DGCR2: variants seen among roughly 807,000 people sequenced by gnomAD.
DGCR2 encodes the protein integral membrane protein DGCR2/IDD.
A neutral mutation model predicts 51.6 loss-of-function variants in DGCR2; 24 were observed. The ratio of observed to expected loss-of-function variants is 0.47; its 90% CI spans 0.34 to 0.65. The LOEUF is 0.65. Among genes scored for constraint, DGCR2 ranks in the 30% least tolerant of loss-of-function variants. The probability of loss-of-function intolerance (pLI) is 0.01; values close to 1 mark genes in which losing one functional copy is unlikely to be tolerated. For synonymous variants in DGCR2, 340 were observed against 315.4 expected, an observed-to-expected ratio of 1.08 and a Z score of -0.82; for missense variants, 765 against 772.1, an observed-to-expected ratio of 0.99 and a Z score of 0.11.
At chr22:19,073,101 A>G (rs2082834811) in intron 2 of DGCR2, among the ~76,000 whole-genome samples, 2 of 152,188 alleles carry the variant, frequency 1.3e-5, no homozygotes, top group South Asian at 4.2e-4. Flanking sequence ...TATGAAAAAT[A>G]AAAATAAAAA....
chr22:19,064,743 G>T, intron 4 of DGCR2, 105 bp downstream of exon 4: 2 of 1,143,864 alleles, frequency 1.7e-6, no homozygotes, highest in Non-Finnish European at 2.5e-6. Flanking sequence ...CCAACCTGCT[G>T]TCTGCCAGCT....
At chr22:19,065,818 A>C (rs1276413852) in intron 3 of DGCR2, 2 of 152,286 alleles carry the variant, frequency 1.3e-5, no homozygotes, top group African/African-American at 4.8e-5. Context: ...GGTACCTCAT[A>C]TTAGTACACT....
intron 1 of DGCR2, among the ~76,000 whole-genome samples, chr22:19,115,638 C>T (rs2083365646): frequency 6.6e-6 from 1 of 152,210 alleles, no homozygotes; most frequent in Non-Finnish European, 1.5e-5. Flanking sequence ...TTTCTGAGTG[C>T]CCAGTCTGTG....
chr22:19,056,612 C>T (rs940476570), intron 6 of DGCR2: 3 of 375,934 alleles, frequency 8.0e-6, no homozygotes, highest in African/African-American at 4.3e-5. Flanking sequence ...AGCAGAGAAG[C>T]AGAGAGAAGG....
At chr22:19,039,199 G>C in intron 9 of DGCR2, 78 bp from the exon 10 acceptor site, 1 of 1,564,936 alleles carries the variant, frequency 6.4e-7, no homozygotes, top group Non-Finnish European at 8.7e-7. Context: ...GGCAAAACCA[G>C]GAGACACTCC....
intron 7 of DGCR2, among the ~76,000 whole-genome samples, chr22:19,042,574 C>G (rs528752494): frequency 6.6e-6 from 1 of 152,154 alleles, no homozygotes; most frequent in Non-Finnish European, 1.5e-5. Flanking sequence ...GACGCCCCTG[C>G]GGAGCATGGC....
At position 19,084,133 on chromosome 22, in the gene DGCR2, G is replaced by A. The variant is rs1316791062; in HGVS notation, c.202+5235C>T. On this transcript the variant is annotated intron_variant, in intron 2 of 9. Coordinates refer to ENST00000263196, the MANE Select transcript of DGCR2 (RefSeq NM_005137.3). ...AGTGCCGAGATTGCAGCCTCTGCCCGGCCACCACCCCGTCTGGGAAGTGAG... is the reference window on the plus strand; with the variant it reads ...AGTGCCGAGATTGCAGCCTCTGCCCAGCCACCACCCCGTCTGGGAAGTGAG... Among the ~76,000 whole-genome samples, 6 of 152,112 alleles carry A rather than the reference G, an allele frequency of 3.9e-5. No individual in the cohort carries two copies. The East Asian group carries it at 5.8e-4, about 15-fold the overall frequency.
In DGCR2 at chr22:19,056,225, G is replaced by A. The variant is rs188061296; in HGVS notation, c.802+761C>T. ...AGCTACTCAGGAAGCTGAGGCAGGA[G>A]AATCGCTTCAACCTGGGAGGCGGAG... On this transcript the variant is annotated intron_variant, in intron 6 of 9. Transcript: ENST00000263196. The A allele has an allele frequency of 2.8e-4, 44 of 159,768 alleles. No homozygotes were observed. In the East Asian group the frequency reaches 6.7e-3, roughly 24 times the overall value. The allele number at this position is 159,768 out of a possible 1,614,324, so 9.9% of individuals were successfully genotyped here. A position where few individuals can be genotyped will look rare whatever the true frequency, so the allele number is the denominator to read the frequency against.
At chr22:19,056,314 CA>C (rs879529643) in intron 6 of DGCR2, 4,040 of 184,558 alleles carry the variant, frequency 0.022, no homozygotes, top group South Asian at 0.048. Context: ...GACTCTGTCC[CA>C]AAAAAAAAAA....
chr22:19,091,655 T>TA (rs1225044706), intron 1 of DGCR2, among the ~76,000 whole-genome samples: 2 of 152,180 alleles, frequency 1.3e-5, no homozygotes. Flanking sequence ...CTCATGCCTG[T>TA]AATCCCAGCA....
intron 2 of DGCR2, among the ~76,000 whole-genome samples, chr22:19,084,614 G>C (rs1327621425): frequency 6.8e-6 from 1 of 146,846 alleles, no homozygotes; most frequent in Non-Finnish European, 1.5e-5. Context: ...CAGCCGCCCC[G>C]TCTGGGAAGT....
At chr22:19,041,029 G>T in intron 9 of DGCR2, 29 bp downstream of exon 9, 1 of 1,547,762 alleles carries the variant, frequency 6.5e-7, no homozygotes, top group East Asian at 2.3e-5. Context: ...ACTTGACAAG[G>T]TGTTCCCTCT....
chr22:19,070,293 G>C (rs1407449446), intron 2 of DGCR2, among the ~76,000 whole-genome samples: 1 of 152,192 alleles, frequency 6.6e-6, no homozygotes, highest in Non-Finnish European at 1.5e-5. Context: ...AAAGAACAGA[G>C]GGGCTTTCTG....
chr22:19,046,796 C>T, intron 7 of DGCR2: 1 of 428,926 alleles, frequency 2.3e-6, no homozygotes, highest in Non-Finnish European at 4.8e-6. Context: ...TCTGGGCCCA[C>T]CCAGATGCAC....
At chr22:19,044,003 G>C (rs980663438) in intron 7 of DGCR2, among the ~76,000 whole-genome samples, 1 of 152,196 alleles carries the variant, frequency 6.6e-6, no homozygotes, top group Non-Finnish European at 1.5e-5. Flanking sequence ...AAGCCTAGTG[G>C]CCCAGGGACT....
chr22:19,103,727 C>CA (rs1389643226), intron 1 of DGCR2, among the ~76,000 whole-genome samples: 2 of 85,212 alleles, frequency 2.3e-5, no homozygotes, highest in Non-Finnish European at 4.7e-5. Flanking sequence ...CGTGCCCGGC[C>CA]AAAAAAATTC....
intron 2 of DGCR2, among the ~76,000 whole-genome samples, chr22:19,080,101 C>T (rs1456375283): frequency 6.6e-6 from 1 of 152,208 alleles, no homozygotes; most frequent in Non-Finnish European, 1.5e-5. Flanking sequence ...CCTCCAATCT[C>T]CTGTCTGGGA....
Position 19,112,437 on chromosome 22 carries a change from GT to G in DGCR2, c.79+9690del, listed in dbSNP as rs1398559560. ...TAAACATGGTTTCAAATCAAAACAG[GT>G]TTTTTTTTTGGTTTTGGTTTTTGAG... is the stretch of plus-strand genomic sequence containing the variant. On this transcript the variant is annotated intron_variant, in intron 1 of 9. Coordinates refer to ENST00000263196, the MANE Select transcript of DGCR2 (RefSeq NM_005137.3). Among the ~76,000 whole-genome samples the G allele has an allele frequency of 8.6e-4, 122 of 142,056 alleles. 12 individuals carry two copies. The highest frequency in any genetic ancestry group is 2.8e-3 in the African/African-American group (108 of 38,874). 93.2% of individuals were successfully genotyped at this position (142,056 alleles called of 152,430 possible).
intron 6 of DGCR2, among the ~76,000 whole-genome samples, chr22:19,051,188 C>CAAAAAAAAAAAAAAAAAAAAAA (rs61277487): frequency 1.8e-5 from 1 of 54,850 alleles, no homozygotes; most frequent in African/African-American, 5.6e-5. Context: ...AATTCTGTCA[C>CAAAAAAAAAAAAAAAAAAAAAA]AAAAAAAAAA....
Sources: allele counts gnomAD v4.1 joint callset (sites outside exome capture counted in the v4.1 genomes callset), GRCh38; gene constraint gnomAD v4.1.1; transcripts MANE v1.5; gene names NCBI Gene and HGNC (gene_info 2026-07-23, HGNC 2026-07-21).